GPC5: variants seen among roughly 807,000 people sequenced by gnomAD.
The protein encoded by GPC5 is glypican-5.
In GPC5, 47 loss-of-function variants were observed where a neutral mutation model predicts 53.9. That is an observed-to-expected ratio of 0.87 (90% CI 0.69 to 1.11). The LOEUF (loss-of-function observed/expected upper bound fraction) is 1.11, where lower values mean the gene tolerates loss of function less well. Among genes scored for constraint, GPC5 ranks in the 50% most tolerant of loss-of-function variants. The pLI is 0.00. For missense variants in GPC5, 748 were observed against 713.1 expected (o/e 1.05, Z -0.56); for synonymous variants, 286 against 263.3 (o/e 1.09, Z -0.84).
chr13:91,968,045 T>G (rs966614483), intron 6 of GPC5, among the ~76,000 whole-genome samples: 24 of 152,268 alleles, frequency 1.6e-4, no homozygotes, highest in African/African-American at 5.5e-4. Flanking sequence ...GAATTATCCC[T>G]AGTAATGATA....
intron 6 of GPC5, among the ~76,000 whole-genome samples, chr13:92,014,979 AGG>A: frequency 6.6e-6 from 1 of 152,058 alleles, no homozygotes; most frequent in African/African-American, 2.4e-5. Flanking sequence ...TATTTGGGCA[AGG>A]GATCTAGTGT....
At chr13:92,406,857 T>C (rs1167267349) in intron 7 of GPC5, among the ~76,000 whole-genome samples, 1 of 152,196 alleles carries the variant, frequency 6.6e-6, no homozygotes, top group East Asian at 1.9e-4. Flanking sequence ...ATAAGTATTC[T>C]TGAAGAATAA....
intron 2 of GPC5, among the ~76,000 whole-genome samples, chr13:91,591,858 T>G (rs1011522483): frequency 1.3e-5 from 2 of 152,362 alleles, no homozygotes; most frequent in Middle Eastern, 6.8e-3. Flanking sequence ...ATTCTGTGGA[T>G]TCCTTTGATT....
intron 6 of GPC5, among the ~76,000 whole-genome samples, chr13:91,930,763 A>G (rs1381972788): frequency 6.6e-6 from 1 of 152,034 alleles, no homozygotes; most frequent in Non-Finnish European, 1.5e-5. Context: ...CTCTTCACCC[A>G]TTATTCATGT....
At chr13:92,359,364 G>A (rs1003377384) in intron 7 of GPC5, among the ~76,000 whole-genome samples, 1 of 151,476 alleles carries the variant, frequency 6.6e-6, no homozygotes, top group African/African-American at 2.4e-5. Context: ...TCAGCATTTT[G>A]GTCACAACAA....
At chr13:91,591,677 A>G (rs117465597) in intron 2 of GPC5, among the ~76,000 whole-genome samples, 2,302 of 152,282 alleles carry the variant, frequency 0.015, 34 homozygotes, top group Middle Eastern at 0.041. Context: ...GTTGATTCAA[A>G]TAACTCATTT....
At chr13:91,923,308 C>T (rs188800649) in intron 6 of GPC5, among the ~76,000 whole-genome samples, 51 of 152,230 alleles carry the variant, frequency 3.4e-4, no homozygotes, top group African/African-American at 1.2e-3. Context: ...GCTTTGACGA[C>T]GTAGTTTGTC....
intron 7 of GPC5, among the ~76,000 whole-genome samples, chr13:92,347,265 T>C (rs1241881975): frequency 2.0e-5 from 3 of 151,898 alleles, no homozygotes; most frequent in Non-Finnish European, 4.4e-5. Context: ...CTACCAAAAA[T>C]CAAAGACAAA....
intron 7 of GPC5, among the ~76,000 whole-genome samples, chr13:92,633,498 C>T (rs1026358192): frequency 5.9e-5 from 9 of 152,028 alleles, no homozygotes; most frequent in Admixed American, 3.9e-4. Context: ...AAAACCTGCT[C>T]ACTTGGGTAT....
intron 7 of GPC5, among the ~76,000 whole-genome samples, chr13:92,271,006 C>T (rs1443313551): frequency 6.6e-6 from 1 of 152,088 alleles, no homozygotes; most frequent in African/African-American, 2.4e-5. Flanking sequence ...GTTTGGCCTT[C>T]AAAAAGACAT....
chr13:91,523,955 T>C (rs1885962080), intron 2 of GPC5, among the ~76,000 whole-genome samples: 1 of 151,986 alleles, frequency 6.6e-6, no homozygotes, highest in African/African-American at 2.4e-5. Context: ...TTTGCATGAA[T>C]ATATTATAAT....
intron 7 of GPC5, among the ~76,000 whole-genome samples, chr13:92,754,688 T>C (rs1352491248): frequency 6.6e-6 from 1 of 151,632 alleles, no homozygotes; most frequent in African/African-American, 2.4e-5. Flanking sequence ...TCCTAGTCTC[T>C]GATAAAACAG....
chr13:92,072,053 T>G (rs981330039), intron 6 of GPC5, among the ~76,000 whole-genome samples: 4 of 146,390 alleles, frequency 2.7e-5, no homozygotes, highest in Non-Finnish European at 6.0e-5. Flanking sequence ...ATTTTATTCA[T>G]ATATTTTATT....
chr13:92,271,043 T>C (rs16947237), intron 7 of GPC5, among the ~76,000 whole-genome samples: 21,771 of 152,082 alleles, frequency 0.14, 1,807 homozygotes, highest in South Asian at 0.31. Flanking sequence ...CTACTGGGAG[T>C]TTGGGAGCTG....
At chr13:92,023,665 GAC>G (rs367677767) in intron 6 of GPC5, among the ~76,000 whole-genome samples, 4 of 141,224 alleles carry the variant, frequency 2.8e-5, no homozygotes, top group African/African-American at 5.1e-5. Context: ...CTTTGCTGAG[GAC>G]ACACACACAC....
chr13:92,296,130 T>C (rs1390155020), intron 7 of GPC5, among the ~76,000 whole-genome samples: 1 of 152,178 alleles, frequency 6.6e-6, no homozygotes, highest in Non-Finnish European at 1.5e-5. Context: ...TCTGTAGGTC[T>C]CTCAGCCATG....
At chr13:92,549,187 A>T (rs1271523193) in intron 7 of GPC5, among the ~76,000 whole-genome samples, 1 of 152,160 alleles carries the variant, frequency 6.6e-6, no homozygotes, top group Non-Finnish European at 1.5e-5. Flanking sequence ...TTCTGCAAAG[A>T]TAAGAGTATT....
intron 7 of GPC5, among the ~76,000 whole-genome samples, chr13:92,646,777 T>G (rs1172542858): frequency 1.3e-5 from 2 of 150,476 alleles, no homozygotes; most frequent in African/African-American, 4.8e-5. Context: ...ATGTTTTTGA[T>G]GTATTGCAAA....
At chr13:92,782,590 G>A (rs531284664) in intron 7 of GPC5, among the ~76,000 whole-genome samples, 3 of 152,162 alleles carry the variant, frequency 2.0e-5, no homozygotes, top group South Asian at 2.1e-4. Context: ...AAGACCCTAC[G>A]GCAGTCACGC....
Sources: allele counts gnomAD v4.1 joint callset (sites outside exome capture counted in the v4.1 genomes callset), GRCh38; gene constraint gnomAD v4.1.1; transcripts MANE v1.5; gene names NCBI Gene and HGNC (gene_info 2026-07-23, HGNC 2026-07-21).